The following HMCN2 variants were observed in gnomAD, a reference collection of about 807,000 sequenced individuals.
HMCN2 encodes the protein hemicentin 2, also known as hemicentin-2.
In HMCN2, 325 loss-of-function variants were observed where a neutral mutation model predicts 377.5. The observed-to-expected ratio is 0.86, with a 90% CI of 0.79 to 0.94. The LOEUF is 0.94. Ranked by LOEUF, HMCN2 falls within the 40% of genes least tolerant of loss-of-function variation. The pLI is 0.00. For missense variants in HMCN2, 4,543 were observed against 4,725.3 expected (o/e 0.96, Z 1.13); for synonymous variants, 2,007 against 2,046.8 (o/e 0.98, Z 0.53).
In HMCN2 at chr9:130,349,619, C is replaced by T. The variant is rs1481229479; in HGVS notation, c.4386C>T (p.Thr1462=). ...CAGACGTGGAGCTGCAGTGTTGGAC[C>T]TCAGGGGTCCCCACGCCCCAGGTGG... is the stretch of plus-strand genomic sequence containing the variant. ...AGADVELQCW[T]SGVPTPQVEW... The change falls in exon 29 of 98, where the codon ACC becomes ACT. Residue 1462 remains threonine, a synonymous_variant. Coordinates refer to ENST00000683500, the MANE Select transcript of HMCN2 (RefSeq NM_001291815.2). The T allele has an allele frequency of 2.3e-6, 3 of 1,304,120 alleles. No homozygotes were observed. The South Asian group carries it at 3.7e-5, about 16-fold the overall frequency. 80.8% of individuals were successfully genotyped at this position (1,304,120 alleles called of 1,614,324 possible).
chr9:130,372,197 A>G (rs965674641), intron 46 of HMCN2, 97 bp from the exon 47 acceptor site: 5 of 239,690 alleles, frequency 2.1e-5, no homozygotes, highest in Non-Finnish European at 3.4e-5. Context: ...GTACACGCCT[A>G]ATTATAATGC....
intron 87 of HMCN2, among the ~76,000 whole-genome samples, 166 bp from the exon 88 acceptor site, chr9:130,424,610 A>G (rs1432320533): frequency 6.6e-6 from 1 of 152,150 alleles, no homozygotes; most frequent in Admixed American, 6.5e-5. Context: ...CAGATCCCTG[A>G]TTCTGGTTAA....
chr9:130,287,460 C>T (rs1377599641), intron 4 of HMCN2, among the ~76,000 whole-genome samples: 1 of 150,714 alleles, frequency 6.6e-6, no homozygotes, highest in Admixed American at 6.6e-5. Flanking sequence ...TATTAAGTCT[C>T]CTATTGCTTG....
rs1356730925 is a variant in HMCN2, at chr9:130,382,728, A to G, written c.8595A>G (p.Thr2865=). 8 of 985,214 alleles carry G rather than the reference A, an allele frequency of 8.1e-6. No individual in the cohort carries two copies. Among genetic ancestry groups the G allele is most frequent in the Non-Finnish European group, 9.6e-6 (8 of 829,854 alleles). 61.0% of individuals were successfully genotyped at this position (985,214 alleles called of 1,614,324 possible). ...GDTEELVEEV[T]VNASSTVSLQ... Reference sequence around the variant, plus strand: ...CAGAGGAGCTGGTGGAAGAGGTGACAGTCAATGCCAGCAGCACCGTCAGCC... The same window carrying G: ...CAGAGGAGCTGGTGGAAGAGGTGACGGTCAATGCCAGCAGCACCGTCAGCC... Residue 2865 remains threonine (T), a synonymous_variant, in exon 56 of 98, where the codon ACA becomes ACG. Coordinates refer to ENST00000683500, the MANE Select transcript of HMCN2 (RefSeq NM_001291815.2).
chr9:130,273,473 T>A (rs879947674), intron 1 of HMCN2, among the ~76,000 whole-genome samples: 1 of 152,188 alleles, frequency 6.6e-6, no homozygotes, highest in Non-Finnish European at 1.5e-5. Context: ...CACATAATGG[T>A]GATGGCTGCA....
Position 130,393,616 on chromosome 9 carries a change from G to C in HMCN2, c.10235-126G>C, listed in dbSNP as rs767355080. On this transcript the variant is annotated intron_variant, in intron 67 of 97. Coordinates refer to ENST00000683500, the MANE Select transcript of HMCN2 (RefSeq NM_001291815.2). The surrounding 1 kb of genome is among the most constrained non-coding windows in gnomAD (Gnocchi z 5.2). ...GGAGAGGATGCTGTGGGAGCACAGA[G>C]GAGGGCACCTCACCTGGCCTTGGGG... 1.2e-6 allele frequency: 1 copy of C among 824,442 alleles called. No individual in the cohort carries two copies. Among genetic ancestry groups the C allele is most frequent in the Non-Finnish European group, 1.6e-6 (1 of 618,746 alleles). The allele number at this position is 824,442 out of a possible 1,614,324, so 51.1% of individuals were successfully genotyped here.
At chr9:130,305,600 G>A (rs1307936378) in intron 11 of HMCN2, among the ~76,000 whole-genome samples, 1 of 152,228 alleles carries the variant, frequency 6.6e-6, no homozygotes, top group East Asian at 1.9e-4. Flanking sequence ...AGGCTCTGCA[G>A]GAAGGAGGGA....
At chr9:130,290,182 G>A (rs782465087) in intron 4 of HMCN2, among the ~76,000 whole-genome samples, 20 of 152,168 alleles carry the variant, frequency 1.3e-4, no homozygotes, top group Non-Finnish European at 2.4e-4. Context: ...GGCTCTCTGC[G>A]CTGGAGCCCT....
rs1193599319 is a variant in HMCN2, at chr9:130,423,460, G to A, written c.13381+734G>A. 6.6e-6 allele frequency among the ~76,000 whole-genome samples: 1 copy of A among 152,242 alleles called. No homozygotes were observed. The highest frequency in any genetic ancestry group is 1.5e-5 in the Non-Finnish European group (1 of 68,036). On this transcript the variant is annotated intron_variant, in intron 87 of 97. Coordinates refer to ENST00000683500, the MANE Select transcript of HMCN2 (RefSeq NM_001291815.2). The surrounding 1 kb of genome is among the most constrained non-coding windows in gnomAD (Gnocchi z 5.5). ...ACTCTGAGCTGGCTGTCAGCAGACA[G>A]CAGATGAAGCGAGACGCTGCCCAGA...
chr9:130,404,956 C>G lies in HMCN2; in HGVS notation c.12236C>G (p.Pro4079Arg), dbSNP rs1452329310. ...AFLPCKARGS[P>R]EPNITWDKDG... is the part of the protein sequence containing the mutation. ...TTGCCTTGCAAGGCGAGGGGCAGTC[C>G]TGAGCCCAACATCACCTGGGACAAA... Residue 4079 changes from proline (P) to arginine (R), a missense_variant, in exon 81 of 98, where the codon CCT becomes CGT. Transcript: ENST00000683500. 1 of 1,289,500 alleles carries G rather than the reference C, an allele frequency of 7.8e-7. No homozygotes were observed. The allele number at this position is 1,289,500 out of a possible 1,614,324, so 79.9% of individuals were successfully genotyped here.
chr9:130,431,552 A>T lies in HMCN2; in HGVS notation c.14767+66A>T, dbSNP rs930225431. Reference sequence around the variant, plus strand: ...TAGGGCAGGCAGCGTGGGATGGGACATGTGGCATCTTACCTACTCCGTTCA... The same window carrying T: ...TAGGGCAGGCAGCGTGGGATGGGACTTGTGGCATCTTACCTACTCCGTTCA... On this transcript the variant is annotated intron_variant, in intron 96 of 97. Transcript: ENST00000683500. The T allele has an allele frequency of 4.6e-6, 7 of 1,521,578 alleles. No individual in the cohort carries two copies. The Admixed American group carries it at 1.0e-4, about 22-fold the overall frequency. 94.3% of individuals were successfully genotyped at this position (1,521,578 alleles called of 1,614,324 possible).
chr9:130,385,790 C>T (rs1018933543), intron 60 of HMCN2, 28 bp downstream of exon 60: 15 of 1,292,246 alleles, frequency 1.2e-5, no homozygotes, highest in Non-Finnish European at 1.5e-5. Context: ...CACGGGCAGC[C>T]ATGAGCGCTG....
chr9:130,280,700 C>G (rs1835066051), intron 1 of HMCN2, among the ~76,000 whole-genome samples: 1 of 152,064 alleles, frequency 6.6e-6, no homozygotes, highest in Non-Finnish European at 1.5e-5. Context: ...AATAAAAATT[C>G]TGCTTAAAAT....
Position 130,405,996 on chromosome 9 carries a change from C to A in HMCN2, c.12381C>A (p.Ala4127=). The change falls in exon 82 of 98, where the codon GCC becomes GCA. Residue 4127 remains alanine, a synonymous_variant. Transcript: ENST00000683500. ...AGTYTCTAEN[A]VGRARRRVHL... ...CCTATACCTGTACCGCTGAGAACGCCGTGGGCCGGGCCCGCCGCCGCGTGC... is the reference window on the plus strand; with the variant it reads ...CCTATACCTGTACCGCTGAGAACGCAGTGGGCCGGGCCCGCCGCCGCGTGC... The A allele has an allele frequency of 1.6e-6, 2 of 1,289,618 alleles. No individual in the cohort carries two copies. The highest frequency in any genetic ancestry group is 1.0e-6 in the Non-Finnish European group (1 of 988,790). The allele number at this position is 1,289,618 out of a possible 1,614,324, so 79.9% of individuals were successfully genotyped here. A position where few individuals can be genotyped will look rare whatever the true frequency, so the allele number is the denominator to read the frequency against.
intron 82 of HMCN2, 172 bp from the exon 83 acceptor site, chr9:130,407,399 C>T (rs1843153221): frequency 1.2e-5 from 5 of 422,252 alleles, no homozygotes; most frequent in East Asian, 8.8e-5. Context: ...GTTCATTAAC[C>T]GCAGCCTCCA....
At position 130,349,096 on chromosome 9, in the gene HMCN2, G is replaced by T. The variant is rs752540562; in HGVS notation, c.4268G>T (p.Gly1423Val). ...TCCTGCCGGGCAGAGAACCAGGCTGGCACCGCCCAGAGGGACTTCCATCTC... is the reference window on the plus strand; with the variant it reads ...TCCTGCCGGGCAGAGAACCAGGCTGTCACCGCCCAGAGGGACTTCCATCTC... ...LYSCRAENQA[G>V]TAQRDFHLLV... is the part of the protein sequence containing the mutation. The change falls in exon 28 of 98, where the codon GGC becomes GTC. Residue 1423 changes from glycine to valine, a missense_variant. By Grantham distance (109) the Gly-to-Val change is moderately radical. This residue lies in a region of HMCN2 where 1,032 missense variants were observed against 1,285.1 expected (regional missense o/e 0.80). Coordinates refer to ENST00000683500, the MANE Select transcript of HMCN2 (RefSeq NM_001291815.2). The T allele has an allele frequency of 6.1e-6, 8 of 1,304,078 alleles. No individual in the cohort carries two copies. The highest frequency in any genetic ancestry group is 6.1e-6 in the Non-Finnish European group (6 of 988,936). 80.8% of individuals were successfully genotyped at this position (1,304,078 alleles called of 1,614,324 possible).
chr9:130,426,575 T>A (rs1466613180), intron 90 of HMCN2, among the ~76,000 whole-genome samples: 3 of 152,148 alleles, frequency 2.0e-5, no homozygotes, highest in Admixed American at 6.5e-5. Context: ...GCCGTACAGA[T>A]GTTGTCTCTA....
At position 130,384,544 on chromosome 9, in the gene HMCN2, C is replaced by G; in HGVS notation, c.8992+10C>G. The G allele has an allele frequency of 7.7e-7, 1 of 1,304,236 alleles. No homozygotes were observed. The highest frequency in any genetic ancestry group is 1.0e-6 in the Non-Finnish European group (1 of 988,952). The allele number at this position is 1,304,236 out of a possible 1,614,324, so 80.8% of individuals were successfully genotyped here. On this transcript the variant is annotated intron_variant, in intron 58 of 97. Transcript: ENST00000683500. ...GTCTTCCTCCTGCCTGGTGGGTAAA[C>G]TGAGGTGTCCGGCCCAGCTCTAAGG...
intron 13 of HMCN2, 106 bp downstream of exon 13, chr9:130,307,044 G>A (rs1054858505): frequency 8.6e-5 from 32 of 373,062 alleles, no homozygotes; most frequent in Admixed American, 1.6e-4. Flanking sequence ...GTCACGCACC[G>A]GGGACACGGC....
Sources: gnomAD v4.1 joint callset for allele counts (sites outside exome capture counted in the v4.1 genomes callset) on GRCh38, gnomAD v4.1.1 for gene constraint, gnomAD v4.1.1 regional missense constraint, Gnocchi (gnomAD v3.1) non-coding constraint, MANE v1.5 for transcripts, NCBI Gene and HGNC (gene_info 2026-07-23, HGNC 2026-07-21) for gene names.